Variants in SETBP1 observed in about 807,000 individuals in gnomAD.
SETBP1 encodes the protein SET binding protein 1.
SETBP1 carries 9 observed loss-of-function variants against 101.0 expected under a neutral mutation model. The observed-to-expected ratio is 0.09, with a 90% CI of 0.05 to 0.16. SETBP1 has a LOEUF of 0.16. SETBP1 is among the 10% of genes least tolerant of loss of function. The pLI is 1.00. For missense variants in SETBP1, 1,858 were observed against 2,033.8 expected (o/e 0.91, Z 1.66); for synonymous variants, 818 against 788.5 (o/e 1.04, Z -0.63).
At chr18:44,949,066 A>T (rs533469397) in intron 3 of SETBP1, among the ~76,000 whole-genome samples, 3 of 152,338 alleles carry the variant, frequency 2.0e-5, no homozygotes, top group South Asian at 2.1e-4. Flanking sequence ...AGAAAGCAAT[A>T]AGTACGTAAT....
At chr18:44,833,367 G>T (rs759956861) in intron 2 of SETBP1, among the ~76,000 whole-genome samples, 5 of 152,224 alleles carry the variant, frequency 3.3e-5, no homozygotes, top group African/African-American at 1.2e-4. Context: ...CCAGTGTTCC[G>T]AGAAGTAGGA....
chr18:45,057,996 T>A (rs1306205451), intron 5 of SETBP1, among the ~76,000 whole-genome samples: 1 of 152,240 alleles, frequency 6.6e-6, no homozygotes, highest in Non-Finnish European at 1.5e-5. Flanking sequence ...GCCAATCTTC[T>A]GATAATGGGA....
chr18:44,796,379 A>G (rs759692102), intron 2 of SETBP1, among the ~76,000 whole-genome samples: 129 of 152,226 alleles, frequency 8.5e-4, no homozygotes, highest in Non-Finnish European at 9.3e-4. Context: ...AGGATAATCT[A>G]GAATTATCTA....
intron 3 of SETBP1, among the ~76,000 whole-genome samples, chr18:44,897,025 C>T (rs527835821): frequency 2.6e-5 from 4 of 152,298 alleles, no homozygotes; most frequent in African/African-American, 4.8e-5. Context: ...TGTATTGACT[C>T]ACTCCTGTTG....
At chr18:45,056,340 A>C (rs1031064659) in intron 5 of SETBP1, among the ~76,000 whole-genome samples, 22 of 152,206 alleles carry the variant, frequency 1.4e-4, no homozygotes, top group African/African-American at 3.9e-4. Context: ...CCTGAAAGCC[A>C]GTGAGATCCC....
Position 44,951,774 on chromosome 18 carries a change from A to T in SETBP1, c.2434A>T (p.Ser812Cys), listed in dbSNP as rs1325614799. The T allele has an allele frequency of 6.2e-7, 1 of 1,614,018 alleles. No individual in the cohort carries two copies. The highest frequency in any genetic ancestry group is 8.5e-7 in the Non-Finnish European group (1 of 1,180,044). ...AACTATGCCAAATCTCCAGCCCATC[A>T]GTGCTCTTCCAACCAAAACCCAAAA... The part of the protein sequence containing the change: ...LKTMPNLQPI[S>C]ALPTKTQKGI... The change falls in exon 4 of 6, where the codon AGT becomes TGT. Residue 812 changes from serine (S) to cysteine (C), a missense_variant. Physicochemically the swap from Ser to Cys is moderately radical, Grantham distance 112. This residue lies in a region of SETBP1 where 121 missense variants were observed against 138.0 expected (regional missense o/e 0.88). Coordinates refer to ENST00000649279, the MANE Select transcript of SETBP1 (RefSeq NM_015559.3). This position sits in a 1 kb window ranked among gnomAD's most constrained non-coding sequence, Gnocchi z 7.8.
chr18:44,744,639 G>A (rs2070185408), intron 2 of SETBP1, among the ~76,000 whole-genome samples: 2 of 152,230 alleles, frequency 1.3e-5, no homozygotes, highest in Non-Finnish European at 2.9e-5. Flanking sequence ...AGCGCCTGGC[G>A]CGACGACTGC....
At chr18:44,828,137 T>G (rs1342277025) in intron 2 of SETBP1, among the ~76,000 whole-genome samples, 1 of 152,232 alleles carries the variant, frequency 6.6e-6, no homozygotes, top group Non-Finnish European at 1.5e-5. Context: ...AAACTATGAT[T>G]GAAATGTCCC....
At chr18:44,935,189 C>T (rs1218244803) in intron 3 of SETBP1, among the ~76,000 whole-genome samples, 1 of 152,210 alleles carries the variant, frequency 6.6e-6, no homozygotes, top group South Asian at 2.1e-4. Flanking sequence ...CAAATGCTTG[C>T]AGTTCACAGT....
intron 5 of SETBP1, among the ~76,000 whole-genome samples, chr18:45,046,940 A>C (rs2073624977): frequency 6.6e-6 from 1 of 152,164 alleles, no homozygotes; most frequent in African/African-American, 2.4e-5. Flanking sequence ...TCACTTAGCT[A>C]ATTATTTTCT....
At chr18:44,690,881 A>G (rs1193915098) in intron 1 of SETBP1, among the ~76,000 whole-genome samples, 3 of 152,206 alleles carry the variant, frequency 2.0e-5, no homozygotes, top group Non-Finnish European at 2.9e-5. Context: ...AGGAAATATT[A>G]TGGTCACAAT....
chr18:45,056,010 TA>T (rs2073802475), intron 5 of SETBP1, among the ~76,000 whole-genome samples: 1 of 152,226 alleles, frequency 6.6e-6, no homozygotes, highest in Non-Finnish European at 1.5e-5. Context: ...AAAGGGACAT[TA>T]AGTGTTTTGT....
At position 45,006,033 on chromosome 18, in the gene SETBP1, A is replaced by G. The variant is rs538217659; in HGVS notation, c.4001-32452A>G. On this transcript the variant is annotated intron_variant, in intron 4 of 5. Coordinates refer to ENST00000649279, the MANE Select transcript of SETBP1 (RefSeq NM_015559.3). ...CAATGGCATGATCTCAGCTCACTGC[A>G]AGCTCCACCTCTCGGGTTCAAGTGA... is the stretch of plus-strand genomic sequence containing the variant. Among the ~76,000 whole-genome samples, 191 of 142,210 alleles carry G rather than the reference A, an allele frequency of 1.3e-3. 1 individual carries two copies. The highest frequency in any genetic ancestry group is 4.9e-3 in the African/African-American group (183 of 37,526). 93.3% of individuals were successfully genotyped at this position (142,210 alleles called of 152,430 possible).
chr18:44,967,981 T>G (rs1173799144), intron 4 of SETBP1, among the ~76,000 whole-genome samples: 1 of 152,168 alleles, frequency 6.6e-6, no homozygotes, highest in Non-Finnish European at 1.5e-5. Flanking sequence ...ATCTGGTAGA[T>G]GGAGGTCTAC....
chr18:44,925,927 G>A (rs2070695523), intron 3 of SETBP1, among the ~76,000 whole-genome samples: 1 of 152,156 alleles, frequency 6.6e-6, no homozygotes, highest in Non-Finnish European at 1.5e-5. Flanking sequence ...AGAGGTGAGT[G>A]AAAAGTAAAA....
At chr18:44,736,946 C>T (rs1278498780) in intron 2 of SETBP1, among the ~76,000 whole-genome samples, 1 of 152,248 alleles carries the variant, frequency 6.6e-6, no homozygotes, top group African/African-American at 2.4e-5. Flanking sequence ...CTCTCTTACA[C>T]ACTTCATTGC....
intron 3 of SETBP1, among the ~76,000 whole-genome samples, chr18:44,878,976 C>T (rs1442511135): frequency 1.3e-5 from 2 of 152,166 alleles, no homozygotes; most frequent in Non-Finnish European, 2.9e-5. Context: ...CTGATAGTGG[C>T]CATCCTCTTC....
chr18:44,921,242 TC>T (rs1394015849), intron 3 of SETBP1, among the ~76,000 whole-genome samples: 2 of 152,240 alleles, frequency 1.3e-5, no homozygotes, highest in African/African-American at 4.8e-5. Flanking sequence ...ATGCTTAAAC[TC>T]CCAGACCAGC....
At chr18:44,719,043 G>A (rs1025144798) in intron 2 of SETBP1, among the ~76,000 whole-genome samples, 22 of 152,168 alleles carry the variant, frequency 1.4e-4, no homozygotes, top group Non-Finnish European at 2.9e-5. Flanking sequence ...GACACATGGG[G>A]TTTTATGGTA....
Sources: allele counts gnomAD v4.1 joint callset (sites outside exome capture counted in the v4.1 genomes callset), GRCh38; gene constraint gnomAD v4.1.1; regional missense constraint gnomAD v4.1.1; non-coding constraint Gnocchi (gnomAD v3.1); transcripts MANE v1.5; gene names NCBI Gene and HGNC (gene_info 2026-07-23, HGNC 2026-07-21).